Variants in CLASP2 observed in about 807,000 individuals in gnomAD.
The protein encoded by CLASP2 is CLIP-associating protein 2.
In CLASP2, 47 loss-of-function variants were observed where a neutral mutation model predicts 194.4. The ratio of observed to expected loss-of-function variants is 0.24; its 90% CI spans 0.19 to 0.31. The LOEUF (loss-of-function observed/expected upper bound fraction) is 0.31. Among genes scored for constraint, CLASP2 ranks in the 10% least tolerant of loss-of-function variants. CLASP2 has a pLI of 1.00. For synonymous variants in CLASP2, 619 were observed against 633.5 expected, an observed-to-expected ratio of 0.98 and a Z score of 0.34; for missense variants, 1,445 against 1,823.6, an observed-to-expected ratio of 0.79 and a Z score of 3.78.
intron 29 of CLASP2, among the ~76,000 whole-genome samples, chr3:33,552,350 C>T (rs2060159436): frequency 1.3e-5 from 2 of 152,096 alleles, no homozygotes; most frequent in South Asian, 4.1e-4. Context: ...AACTCCTGAC[C>T]TCATGATCCG....
intron 13 of CLASP2, among the ~76,000 whole-genome samples, chr3:33,609,990 C>T (rs1251163608): frequency 6.6e-6 from 1 of 152,204 alleles, no homozygotes; most frequent in Non-Finnish European, 1.5e-5. Flanking sequence ...GCACTTAACA[C>T]CACCCTCCTC....
At chr3:33,644,658 G>A in intron 8 of CLASP2, 99 bp downstream of exon 8, 1 of 1,280,890 alleles carries the variant, frequency 7.8e-7, no homozygotes, top group Non-Finnish European at 1.1e-6. Flanking sequence ...CAATCGTGCT[G>A]CAGTCATGAA....
Position 33,612,028 on chromosome 3 carries a change from C to T in CLASP2, c.1361G>A (p.Cys454Tyr). 1 of 1,610,612 alleles carries T rather than the reference C, an allele frequency of 6.2e-7. No homozygotes were observed. The highest frequency in any genetic ancestry group is 8.5e-7 in the Non-Finnish European group (1 of 1,178,068). The change falls in exon 13 of 39, where the codon TGC becomes TAC. Residue 454 changes from cysteine to tyrosine, a missense_variant. By Grantham distance (194) the Cys-to-Tyr change is radical (BLOSUM62 -2). Around this residue, in one of 4 missense-constraint regions of CLASP2, gnomAD observed 207 missense variants for 331.4 expected, o/e 0.62. Transcript: ENST00000682230. Reference protein sequence around the residue: ...PRLIPLITSNCTSKSVPVRRR... With the variant: ...PRLIPLITSNYTSKSVPVRRR... ...CCTCACGGGAACTGATTTTGATGTG[C>T]AATTGCTTGTTATTAAAGGTATAAG...
chr3:33,708,284 CT>C (rs751468783), intron 1 of CLASP2, among the ~76,000 whole-genome samples: 1,785 of 140,556 alleles, frequency 0.013, 18 homozygotes, highest in African/African-American at 0.034. Flanking sequence ...ATAAATTTGA[CT>C]TTTTTTTTTT....
intron 19 of CLASP2, among the ~76,000 whole-genome samples, chr3:33,595,320 T>G (rs978151521): frequency 2.0e-5 from 3 of 152,190 alleles, no homozygotes; most frequent in East Asian, 3.9e-4. Flanking sequence ...AAAATGAAAT[T>G]TTATAGACCT....
At chr3:33,657,427 T>C (rs2084454800) in intron 7 of CLASP2, among the ~76,000 whole-genome samples, 1 of 152,070 alleles carries the variant, frequency 6.6e-6, no homozygotes, top group African/African-American at 2.4e-5. Context: ...ATAATTAATA[T>C]ATTCCTCAAC....
chr3:33,619,468 T>G (rs1577298259), intron 12 of CLASP2, 135 bp downstream of exon 12: 2 of 732,786 alleles, frequency 2.7e-6, no homozygotes, highest in East Asian at 5.7e-5. Context: ...GATTTGCTTT[T>G]GGGGTTCAAA....
intron 1 of CLASP2, among the ~76,000 whole-genome samples, chr3:33,703,238 G>C (rs1252194624): frequency 2.6e-5 from 4 of 151,986 alleles, no homozygotes; most frequent in African/African-American, 9.7e-5. Flanking sequence ...AATATACAAA[G>C]AACTCTTAAA....
chr3:33,600,009 C>T (rs1282005551), intron 18 of CLASP2, among the ~76,000 whole-genome samples: 1 of 152,084 alleles, frequency 6.6e-6, no homozygotes, highest in African/African-American at 2.4e-5. Flanking sequence ...CACATTAAAG[C>T]ACTTTAAATA....
chr3:33,582,449 G>A (rs2066368257), intron 22 of CLASP2, among the ~76,000 whole-genome samples: 1 of 152,098 alleles, frequency 6.6e-6, no homozygotes, highest in Non-Finnish European at 1.5e-5. Context: ...GAGGCTGGGA[G>A]ATCGAGATCA....
intron 2 of CLASP2, 135 bp from the exon 3 acceptor site, chr3:33,690,067 T>C (rs528655592): frequency 8.5e-5 from 44 of 514,964 alleles, no homozygotes; most frequent in Non-Finnish European, 1.2e-4. Flanking sequence ...TTTAAGTTCT[T>C]TACACATGAA....
intron 1 of CLASP2, among the ~76,000 whole-genome samples, chr3:33,714,766 G>T (rs2093212014): frequency 6.6e-6 from 1 of 151,968 alleles, no homozygotes; most frequent in Admixed American, 6.6e-5. Flanking sequence ...TTTTAGACAG[G>T]AATTTGTTAT....
At chr3:33,611,963 C>A (rs375516049) in intron 13 of CLASP2, 38 bp downstream of exon 13, 163 of 1,363,110 alleles carry the variant, frequency 1.2e-4, no homozygotes, top group Non-Finnish European at 1.7e-4. Context: ...AGTATCAGAG[C>A]TATACTAACA....
chr3:33,602,446 G>A (rs1017201064), intron 18 of CLASP2: 5 of 693,880 alleles, frequency 7.2e-6, no homozygotes, highest in Non-Finnish European at 1.3e-5. Context: ...GAAGAGATAC[G>A]CAAACCAACG....
rs1358280798 is a variant in CLASP2, at chr3:33,662,749, A to T, written c.715+696T>A. ...AAACTACTTTACTAGGTGGAAAAGCAACCTATATTATCTTTGGAAATAGAA... is the reference window on the plus strand; with the variant it reads ...AAACTACTTTACTAGGTGGAAAAGCTACCTATATTATCTTTGGAAATAGAA... On this transcript the variant is annotated intron_variant, in intron 7 of 38. Coordinates refer to ENST00000682230, the MANE Select transcript of CLASP2 (RefSeq NM_001365631.1). Among the ~76,000 whole-genome samples the T allele has an allele frequency of 2.6e-5, 4 of 152,322 alleles. No homozygotes were observed. In the East Asian group the frequency reaches 7.7e-4, roughly 29 times the overall value.
chr3:33,636,140 A>T (rs1017673227), intron 8 of CLASP2, among the ~76,000 whole-genome samples: 1 of 152,212 alleles, frequency 6.6e-6, no homozygotes, highest in Admixed American at 6.5e-5. Context: ...ACAAAAAATA[A>T]GGGCTCTGTT....
intron 18 of CLASP2, among the ~76,000 whole-genome samples, chr3:33,596,959 G>C (rs2070564406): frequency 6.6e-6 from 1 of 152,104 alleles, no homozygotes; most frequent in Non-Finnish European, 1.5e-5. Context: ...TTGATAATGA[G>C]TCTATTTCAC....
intron 18 of CLASP2, among the ~76,000 whole-genome samples, chr3:33,599,730 AC>A (rs1478983474): frequency 6.6e-6 from 1 of 152,176 alleles, no homozygotes; most frequent in Non-Finnish European, 1.5e-5. Flanking sequence ...TATCAGTCTT[AC>A]GTGTGTAAGA....
At chr3:33,711,929 T>C (rs568569704) in intron 1 of CLASP2, among the ~76,000 whole-genome samples, 2 of 152,292 alleles carry the variant, frequency 1.3e-5, no homozygotes, top group South Asian at 4.1e-4. Flanking sequence ...ATACTGCTGG[T>C]GTCCACTCTG....
Sources: gnomAD v4.1 joint callset for allele counts (sites outside exome capture counted in the v4.1 genomes callset) on GRCh38, gnomAD v4.1.1 for gene constraint, gnomAD v4.1.1 regional missense constraint, MANE v1.5 for transcripts, NCBI Gene and HGNC (gene_info 2026-07-23, HGNC 2026-07-21) for gene names.